Variants in CNTNAP2 observed in about 807,000 individuals in gnomAD.
The protein encoded by CNTNAP2 is contactin associated protein 2.
Under a neutral mutation model 155.2 loss-of-function variants are expected in CNTNAP2, and 98 were observed. The observed-to-expected ratio is 0.63, with a 90% CI of 0.54 to 0.75. The LOEUF is 0.75. Among genes scored for constraint, CNTNAP2 ranks in the 30% least tolerant of loss-of-function variants. CNTNAP2 has a pLI of 0.00. For missense variants in CNTNAP2, 1,727 were observed against 1,688.1 expected (o/e 1.02, Z -0.40); for synonymous variants, 651 against 631.2 (o/e 1.03, Z -0.47).
At chr7:148,045,074 T>C (rs932454072) in intron 15 of CNTNAP2, among the ~76,000 whole-genome samples, 6 of 152,180 alleles carry the variant, frequency 3.9e-5, no homozygotes, top group African/African-American at 1.4e-4. Context: ...TCGCGTGTGT[T>C]GCTCAGGTGA....
intron 16 of CNTNAP2, among the ~76,000 whole-genome samples, chr7:148,132,402 T>C (rs569681327): frequency 6.6e-6 from 1 of 151,844 alleles, no homozygotes; most frequent in South Asian, 2.1e-4. Flanking sequence ...TTTTTTTTAG[T>C]TTAGGTACTT....
At chr7:147,927,869 T>A (rs187497722) in intron 14 of CNTNAP2, among the ~76,000 whole-genome samples, 6 of 152,062 alleles carry the variant, frequency 3.9e-5, no homozygotes, top group African/African-American at 1.4e-4. Context: ...TAAGTTAGAG[T>A]CCCAGGACTA....
rs1036979834 is a variant in CNTNAP2, at chr7:148,419,150, G to A, written c.*3534G>A. The stretch of plus-strand genomic sequence containing the variant: ...CCACATTATACCCTGCTCTTACGCA[G>A]TAAACGTTTTAATGGCCCGTTTATG... On this transcript the variant is annotated 3_prime_UTR_variant, in exon 24 of 24. Transcript: ENST00000361727. 6.6e-6 allele frequency: 1 copy of A among 152,110 alleles called. No individual in the cohort carries two copies. Among genetic ancestry groups the A allele is most frequent in the Non-Finnish European group, 1.5e-5 (1 of 68,028 alleles). 9.4% of individuals were successfully genotyped at this position (152,110 alleles called of 1,614,324 possible).
At chr7:147,743,403 G>A (rs1164172842) in intron 13 of CNTNAP2, among the ~76,000 whole-genome samples, 1 of 152,146 alleles carries the variant, frequency 6.6e-6, no homozygotes, top group African/African-American at 2.4e-5. Context: ...GTGCTGGAAG[G>A]CAGGGATTAG....
At chr7:146,426,710 T>C (rs1185640661) in intron 1 of CNTNAP2, among the ~76,000 whole-genome samples, 1 of 150,174 alleles carries the variant, frequency 6.7e-6, no homozygotes, top group Non-Finnish European at 1.5e-5. Context: ...GGTGGAGATA[T>C]TGGAGACGTG....
intron 1 of CNTNAP2, among the ~76,000 whole-genome samples, chr7:146,757,778 C>A (rs10232357): frequency 6.6e-6 from 1 of 152,024 alleles, no homozygotes; most frequent in Non-Finnish European, 1.5e-5. Context: ...CATGAATATA[C>A]ATATCTCATT....
intron 15 of CNTNAP2, among the ~76,000 whole-genome samples, chr7:148,064,618 A>G (rs1803219309): frequency 6.6e-6 from 1 of 151,024 alleles, no homozygotes; most frequent in Non-Finnish European, 1.5e-5. Flanking sequence ...TCTGCTATAC[A>G]CCAACTGCAA....
At chr7:148,186,075 A>G (rs1268073410) in intron 18 of CNTNAP2, among the ~76,000 whole-genome samples, 1 of 152,216 alleles carries the variant, frequency 6.6e-6, no homozygotes, top group African/African-American at 2.4e-5. Flanking sequence ...CTAACATTCA[A>G]ATGTCATTGG....
At chr7:147,244,823 C>T (rs552711645) in intron 8 of CNTNAP2, among the ~76,000 whole-genome samples, 1 of 152,080 alleles carries the variant, frequency 6.6e-6, no homozygotes, top group African/African-American at 2.4e-5. Context: ...AAATATAATG[C>T]AAAGAGATAG....
chr7:147,788,771 C>T (rs535407404), intron 13 of CNTNAP2, among the ~76,000 whole-genome samples: 218 of 152,132 alleles, frequency 1.4e-3, no homozygotes, highest in Middle Eastern at 0.01. Flanking sequence ...GTGGATGCAG[C>T]GGTGACGCAG....
intron 21 of CNTNAP2, among the ~76,000 whole-genome samples, chr7:148,308,843 TG>T (rs1797538450): frequency 6.6e-6 from 1 of 152,076 alleles, no homozygotes; most frequent in African/African-American, 2.4e-5. Context: ...TTTCTGTTCT[TG>T]GGTTAGTTTG....
In CNTNAP2 at chr7:146,650,173, G is replaced by C. The variant is rs1176037885; in HGVS notation, c.98-124098G>C. Among the ~76,000 whole-genome samples, 8 of 152,232 alleles carry C rather than the reference G, an allele frequency of 5.3e-5. No individual in the cohort carries two copies. The East Asian group carries it at 1.5e-3, about 29-fold the overall frequency. On this transcript the variant is annotated intron_variant, in intron 1 of 23. Transcript: ENST00000361727. ...GGATCTAGAACCAGAAATACCATTTGACCCAGCAATCCCATTACTGGGTAT... is the reference window on the plus strand; with the variant it reads ...GGATCTAGAACCAGAAATACCATTTCACCCAGCAATCCCATTACTGGGTAT...
intron 3 of CNTNAP2, among the ~76,000 whole-genome samples, chr7:147,020,929 A>C (rs1295541694): frequency 2.0e-5 from 3 of 152,188 alleles, no homozygotes; most frequent in Non-Finnish European, 4.4e-5. Flanking sequence ...TATTATTATT[A>C]AGATGCATTT....
chr7:146,548,473 A>G (rs1395698841), intron 1 of CNTNAP2, among the ~76,000 whole-genome samples: 1 of 151,996 alleles, frequency 6.6e-6, no homozygotes, highest in Non-Finnish European at 1.5e-5. Flanking sequence ...TACCCAAAGG[A>G]ACATAAATCA....
chr7:147,462,682 A>G (rs1798045228), intron 10 of CNTNAP2, among the ~76,000 whole-genome samples: 1 of 152,272 alleles, frequency 6.6e-6, no homozygotes, highest in Non-Finnish European at 1.5e-5. Flanking sequence ...TTAAACGAGA[A>G]TACATTTGAA....
At chr7:147,519,265 C>G (rs1211211563) in intron 11 of CNTNAP2, among the ~76,000 whole-genome samples, 1 of 152,088 alleles carries the variant, frequency 6.6e-6, no homozygotes, top group East Asian at 1.9e-4. Flanking sequence ...GGGCTTAGGG[C>G]ACTGGCCGTC....
chr7:146,334,430 CAAAAA>C (rs1179295401), intron 1 of CNTNAP2, among the ~76,000 whole-genome samples: 1 of 94,024 alleles, frequency 1.1e-5, no homozygotes, highest in Admixed American at 1.0e-4. Flanking sequence ...GACTCCGTCT[CAAAAA>C]AAAAAAAAAA....
chr7:147,477,442 A>C (rs1476859155), intron 10 of CNTNAP2, among the ~76,000 whole-genome samples: 2 of 152,016 alleles, frequency 1.3e-5, no homozygotes, highest in African/African-American at 2.4e-5. Flanking sequence ...GTCTCATTCT[A>C]CTCCAGGTTT....
At chr7:146,625,952 A>G (rs1799412576) in intron 1 of CNTNAP2, among the ~76,000 whole-genome samples, 1 of 152,122 alleles carries the variant, frequency 6.6e-6, no homozygotes, top group Non-Finnish European at 1.5e-5. Context: ...CATGAGTTAC[A>G]TATTAAATGA....
Sources: allele counts gnomAD v4.1 joint callset (sites outside exome capture counted in the v4.1 genomes callset), GRCh38; gene constraint gnomAD v4.1.1; transcripts MANE v1.5; gene names NCBI Gene and HGNC (gene_info 2026-07-23, HGNC 2026-07-21).